Variants in SYNE1 observed in about 807,000 individuals in gnomAD.
SYNE1 encodes nesprin-1.
In SYNE1, 616 loss-of-function variants were observed where a neutral mutation model predicts 1,111.0. The observed-to-expected ratio is 0.55, with a 90% CI of 0.52 to 0.59. SYNE1 has a LOEUF of 0.59. Among genes scored for constraint, SYNE1 ranks in the 20% least tolerant of loss-of-function variants. SYNE1 has a pLI of 0.00. For missense variants in SYNE1, 10,006 were observed against 10,417.0 expected, an observed-to-expected ratio of 0.96 and a Z score of 1.72; for synonymous variants, 3,855 against 3,825.8, an observed-to-expected ratio of 1.01 and a Z score of -0.28.
At chr6:152,336,005 T>C (rs2096380194) in intron 76 of SYNE1, 1 of 151,290 alleles carries the variant, frequency 6.6e-6, no homozygotes, top group Non-Finnish European at 1.5e-5. Context: ...CTATATATTT[T>C]AAATTATTTA....
At position 152,155,025 on chromosome 6, in the gene SYNE1, C is replaced by T. The variant is rs267600862; in HGVS notation, c.23996G>A (p.Arg7999Gln). The change falls in exon 133 of 146, where the codon CGA becomes CAA. Residue 7999 changes from arginine to glutamine, a missense_variant. Physicochemically the swap from Arg to Gln is conservative, Grantham distance 43. This residue lies in a region of SYNE1 where 2,182 missense variants were observed against 2,287.8 expected (regional missense o/e 0.95). Coordinates refer to ENST00000367255, the MANE Select transcript of SYNE1 (RefSeq NM_182961.4). The stretch of plus-strand genomic sequence containing the variant: ...GTCATCCAGAAATTTCTGCCACAAT[C>T]GCCACGTCTCTTCGATTCTGGGGCG... Reference protein sequence around the residue: ...ERRLKIEETWRLWQKFLDDYS... With the variant: ...ERRLKIEETWQLWQKFLDDYS... 33 of 1,613,992 alleles carry T rather than the reference C, an allele frequency of 2.0e-5. No homozygotes were observed. The highest frequency in any genetic ancestry group is 4.5e-5 in the East Asian group (2 of 44,882).
intron 45 of SYNE1, 127 bp from the exon 46 acceptor site, chr6:152,404,441 T>C (rs1563755357): frequency 5.7e-6 from 4 of 706,620 alleles, no homozygotes; most frequent in Non-Finnish European, 9.9e-6. Flanking sequence ...AAAAAATCTG[T>C]TTCATTTTTC....
intron 128 of SYNE1, among the ~76,000 whole-genome samples, chr6:152,183,286 A>G (rs2068656600): frequency 1.3e-5 from 2 of 152,182 alleles, no homozygotes; most frequent in Admixed American, 6.5e-5. Context: ...AACTGAAACT[A>G]TACTCTTATT....
chr6:152,219,259 C>T (rs2079502180), intron 119 of SYNE1, 74 bp from the exon 120 acceptor site: 3 of 1,394,120 alleles, frequency 2.2e-6, no homozygotes, highest in South Asian at 1.2e-5. Flanking sequence ...CGGCAAAGGG[C>T]TACACATGTA....
chr6:152,456,275 T>A (rs1000117823), intron 22 of SYNE1, among the ~76,000 whole-genome samples: 1 of 152,138 alleles, frequency 6.6e-6, no homozygotes, highest in African/African-American at 2.4e-5. Context: ...AAAGAGTTTT[T>A]TTTTTTGAGA....
intron 117 of SYNE1, among the ~76,000 whole-genome samples, chr6:152,223,596 C>T (rs988412341): frequency 2.7e-5 from 4 of 147,950 alleles, no homozygotes; most frequent in East Asian, 4.0e-4. Context: ...CCAGTCTGGG[C>T]GACAGAGCGA....
chr6:152,526,861 C>G (rs534635999), intron 4 of SYNE1, among the ~76,000 whole-genome samples: 2 of 152,222 alleles, frequency 1.3e-5, no homozygotes, highest in African/African-American at 4.8e-5. Flanking sequence ...GAAAAATAAG[C>G]CAAAGACCAC....
chr6:152,383,687 T>G (rs2097468598), intron 55 of SYNE1, among the ~76,000 whole-genome samples: 1 of 152,246 alleles, frequency 6.6e-6, no homozygotes, highest in Non-Finnish European at 1.5e-5. Context: ...CTATTTGCTC[T>G]ATACATAGGT....
In SYNE1 at chr6:152,513,919, CACA is replaced by C. The variant is rs1425580995; in HGVS notation, c.310-2819_310-2817del. Among the ~76,000 whole-genome samples, 15 of 152,014 alleles carry C rather than the reference CACA, an allele frequency of 9.9e-5. 1 individual carries two copies. The East Asian group carries it at 2.9e-3, about 29-fold the overall frequency. On this transcript the variant is annotated intron_variant, in intron 6 of 145. Coordinates refer to ENST00000367255, the MANE Select transcript of SYNE1 (RefSeq NM_182961.4). ...TCATTAGAGAAATGCAAATAAAAAC[CACA>C]ACGAGATACCATGTCACACCAGTTA... is the stretch of plus-strand genomic sequence containing the variant.
At chr6:152,610,843 C>T (rs563800855) in intron 3 of SYNE1, among the ~76,000 whole-genome samples, 1 of 152,290 alleles carries the variant, frequency 6.6e-6, no homozygotes, top group African/African-American at 2.4e-5. Context: ...CAATATTCAA[C>T]ATTCTTAAAG....
At chr6:152,191,355 G>T (rs1248215390) in intron 127 of SYNE1, among the ~76,000 whole-genome samples, 3 of 151,760 alleles carry the variant, frequency 2.0e-5, no homozygotes. Context: ...GAGTAGGATT[G>T]GTATTAGTTC....
chr6:152,609,612 C>T (rs1384691556), intron 3 of SYNE1, among the ~76,000 whole-genome samples: 1 of 152,170 alleles, frequency 6.6e-6, no homozygotes, highest in African/African-American at 2.4e-5. Context: ...GCACTGAAGA[C>T]AGCGGTGGTT....
At chr6:152,410,901 T>G (rs556960274) in intron 42 of SYNE1, among the ~76,000 whole-genome samples, 2 of 152,302 alleles carry the variant, frequency 1.3e-5, no homozygotes, top group East Asian at 3.9e-4. Flanking sequence ...TAAAAACAGG[T>G]CAATAATTAA....
intron 128 of SYNE1, among the ~76,000 whole-genome samples, chr6:152,185,101 C>T (rs867403505): frequency 5.9e-5 from 9 of 152,056 alleles, no homozygotes; most frequent in East Asian, 3.9e-4. Context: ...CGAGCAATTA[C>T]GATGATGACA....
In SYNE1 at chr6:152,494,829, T is replaced by C. The variant is rs1305950501; in HGVS notation, c.939+3913A>G. Among the ~76,000 whole-genome samples, 7 of 152,146 alleles carry C rather than the reference T, an allele frequency of 4.6e-5. No individual in the cohort carries two copies. The East Asian group carries it at 9.6e-4, about 21-fold the overall frequency. ...GGCCATCAAAAAGCCTCAGACCCCA[T>C]TGCTCAAGGCAACAATTATGCTGAT... On this transcript the variant is annotated intron_variant, in intron 11 of 145. Transcript: ENST00000367255.
At chr6:152,135,915 C>G (rs571632391) in intron 141 of SYNE1, among the ~76,000 whole-genome samples, 3 of 152,214 alleles carry the variant, frequency 2.0e-5, no homozygotes, top group Admixed American at 1.3e-4. Context: ...CTCAGCTCAC[C>G]GACTACACTC....
intron 74 of SYNE1, among the ~76,000 whole-genome samples, chr6:152,339,569 G>A (rs113486406): frequency 6.6e-6 from 1 of 152,188 alleles, no homozygotes; most frequent in Non-Finnish European, 1.5e-5. Flanking sequence ...TCCACCATTT[G>A]CTTCTCCTTG....
At chr6:152,221,085 C>T (rs748523685) in intron 118 of SYNE1, 39 bp from the exon 119 acceptor site, 1 of 1,595,984 alleles carries the variant, frequency 6.3e-7, no homozygotes, top group Non-Finnish European at 8.6e-7. Context: ...AGATTACCAC[C>T]TCTCACCAAA....
intron 3 of SYNE1, among the ~76,000 whole-genome samples, chr6:152,606,978 C>CT (rs71017544): frequency 0.032 from 1,991 of 62,144 alleles, 80 homozygotes; most frequent in African/African-American, 0.045. Context: ...CCTCGGTTCT[C>CT]TTTTTTTTTT....
Sources: allele counts gnomAD v4.1 joint callset (sites outside exome capture counted in the v4.1 genomes callset), GRCh38; gene constraint gnomAD v4.1.1; regional missense constraint gnomAD v4.1.1; transcripts MANE v1.5; gene names NCBI Gene and HGNC (gene_info 2026-07-23, HGNC 2026-07-21).